The following PTPRN2 variants were observed in gnomAD, a reference collection of about 807,000 sequenced individuals.
PTPRN2 encodes protein tyrosine phosphatase receptor type N2.
A neutral mutation model predicts 118.8 loss-of-function variants in PTPRN2; 74 were observed. The ratio of observed to expected loss-of-function variants is 0.62; its 90% CI spans 0.52 to 0.76. The LOEUF is 0.76. Among genes scored for constraint, PTPRN2 ranks in the 30% least tolerant of loss-of-function variants. The pLI is 0.00. For synonymous variants in PTPRN2, 641 were observed against 608.0 expected (o/e 1.05, Z -0.80); for missense variants, 1,481 against 1,394.4 (o/e 1.06, Z -0.99).
rs1423582207 is a variant in PTPRN2, at chr7:158,404,992, A to G, written c.163+84743T>C. ...TCCAGCTCCTCAGCCTCAGCTCCCC[A>G]GCCTCCAGCTCCTCGGCCTCAGCTC... On this transcript the variant is annotated intron_variant, in intron 2 of 22. Transcript: ENST00000389418. Among the ~76,000 whole-genome samples, 17 of 78,178 alleles carry G rather than the reference A, an allele frequency of 2.2e-4. 1 individual carries two copies. The East Asian group carries it at 4.6e-3, about 21-fold the overall frequency. 51.3% of individuals were successfully genotyped at this position (78,178 alleles called of 152,430 possible).
At chr7:158,379,573 A>C (rs183950994) in intron 2 of PTPRN2, among the ~76,000 whole-genome samples, 273 of 152,208 alleles carry the variant, frequency 1.8e-3, no homozygotes, top group African/African-American at 6.0e-3. Context: ...TCACGGGTGG[A>C]GCAGGGTTCC....
chr7:158,382,714 G>C (rs1246063886), intron 2 of PTPRN2, among the ~76,000 whole-genome samples: 2 of 152,124 alleles, frequency 1.3e-5, no homozygotes, highest in African/African-American at 2.4e-5. Flanking sequence ...CTCTGTACGA[G>C]AATCTAATGC....
At chr7:158,280,043 G>A (rs182759049) in intron 3 of PTPRN2, among the ~76,000 whole-genome samples, 1,464 of 125,282 alleles carry the variant, frequency 0.012, 24 homozygotes, top group African/African-American at 0.041. Context: ...CGGCCCCCAC[G>A]CCCCACCGCT....
At position 157,961,615 on chromosome 7, in the gene PTPRN2, G is replaced by T. The variant is rs74878806; in HGVS notation, c.1724-62878C>A. ...CAGGAAAGTGGTCTAGTGCCCAAGA[G>T]ACCTGTCTCAGCATTAAAGCATCCA... On this transcript the variant is annotated intron_variant, in intron 11 of 22. Transcript: ENST00000389418. Among the ~76,000 whole-genome samples, 1,727 of 152,228 alleles carry T rather than the reference G, an allele frequency of 0.011. 170 individuals carry two copies. In the East Asian group the frequency reaches 0.25, roughly 22 times the overall value.
Position 157,610,739 on chromosome 7 carries a change from T to C in PTPRN2, c.2345-6664A>G, listed in dbSNP as rs1191522475. On this transcript the variant is annotated intron_variant, in intron 15 of 22. Coordinates refer to ENST00000389418, the MANE Select transcript of PTPRN2 (RefSeq NM_002847.5). This position sits in a 1 kb window ranked among gnomAD's most constrained non-coding sequence, Gnocchi z 5.1. ...CTTGATTCTTTGCAGACCTGGGCAC[T>C]TGAAGACCAGCAACAGCGTGATGAC... is the stretch of plus-strand genomic sequence containing the variant. Among the ~76,000 whole-genome samples, 1 of 152,236 alleles carries C rather than the reference T, an allele frequency of 6.6e-6. No individual in the cohort carries two copies. Among genetic ancestry groups the C allele is most frequent in the Non-Finnish European group, 1.5e-5 (1 of 68,042 alleles).
intron 17 of PTPRN2, among the ~76,000 whole-genome samples, chr7:157,589,516 AC>A (rs1260307024): frequency 2.0e-5 from 3 of 152,176 alleles, no homozygotes; most frequent in African/African-American, 7.2e-5. Context: ...CCAGGAGTGG[AC>A]CATGGAGACC....
chr7:158,165,461 G>A (rs966050336), intron 6 of PTPRN2, among the ~76,000 whole-genome samples: 19 of 152,344 alleles, frequency 1.2e-4, no homozygotes, highest in Admixed American at 1.2e-3. Flanking sequence ...AGAAAGCATC[G>A]GTAATGGTCA....
At chr7:158,531,882 C>G (rs1225945149) in intron 1 of PTPRN2, among the ~76,000 whole-genome samples, 1 of 152,204 alleles carries the variant, frequency 6.6e-6, no homozygotes, top group Non-Finnish European at 1.5e-5. Flanking sequence ...CACCTGGAAG[C>G]TGAACGCATC....
At chr7:158,314,892 T>TAAGGACAGAGGTGAACCCAGGACGCCCTC (rs1802172402) in intron 3 of PTPRN2, among the ~76,000 whole-genome samples, 1 of 80,096 alleles carries the variant, frequency 1.2e-5, no homozygotes, top group Non-Finnish European at 2.6e-5. Flanking sequence ...GGGACCCCCT[T>TAAGGACAGAGGTGAACCCAGGACGCCCTC]AAGGACAGAG....
At chr7:158,538,633 G>A (rs112724899) in intron 1 of PTPRN2, among the ~76,000 whole-genome samples, 1,813 of 152,242 alleles carry the variant, frequency 0.012, 39 homozygotes, top group African/African-American at 0.04. Flanking sequence ...ATAGGTGGGC[G>A]CTCACCTGAC....
intron 3 of PTPRN2, among the ~76,000 whole-genome samples, chr7:158,215,268 GGAAA>G (rs1827877016): frequency 6.6e-6 from 1 of 152,126 alleles, no homozygotes; most frequent in Non-Finnish European, 1.5e-5. Flanking sequence ...GAGAGACAGA[GGAAA>G]GAATCAGTGA....
chr7:158,216,473 C>T lies in PTPRN2; in HGVS notation c.278-11200G>A, dbSNP rs116716868. On this transcript the variant is annotated intron_variant, in intron 3 of 22. Coordinates refer to ENST00000389418, the MANE Select transcript of PTPRN2 (RefSeq NM_002847.5). ...TCAACTATACACTATATGAAGCTCA[C>T]TTTGAATAAAATGATATAGGATGGT... 4.2e-3 allele frequency among the ~76,000 whole-genome samples: 632 copies of T among 151,240 alleles called. 5 individuals are homozygous for T. The highest frequency in any genetic ancestry group is 0.015 in the African/African-American group (606 of 41,188).
intron 19 of PTPRN2, among the ~76,000 whole-genome samples, chr7:157,576,236 G>GC (rs1383090127): frequency 6.6e-6 from 1 of 152,144 alleles, no homozygotes; most frequent in African/African-American, 2.4e-5. Flanking sequence ...GCCTGCGCTC[G>GC]CTACCTCTTT....
At chr7:158,149,875 A>G (rs1820774979) in intron 6 of PTPRN2, among the ~76,000 whole-genome samples, 1 of 152,044 alleles carries the variant, frequency 6.6e-6, no homozygotes, top group Non-Finnish European at 1.5e-5. Context: ...AATTTTTGGG[A>G]TCTAAGTTAT....
chr7:158,497,442 C>T (rs1040340796), intron 1 of PTPRN2, among the ~76,000 whole-genome samples: 2 of 151,816 alleles, frequency 1.3e-5, no homozygotes, highest in African/African-American at 2.4e-5. Context: ...TTTGGGGACC[C>T]GTCCCTTCCT....
chr7:158,434,749 G>A (rs188429555), intron 2 of PTPRN2, among the ~76,000 whole-genome samples: 29 of 152,048 alleles, frequency 1.9e-4, no homozygotes, highest in African/African-American at 6.5e-4. Flanking sequence ...TCTTCTGGAT[G>A]GAGTATTTTT....
At chr7:158,225,262 C>A (rs1828665289) in intron 3 of PTPRN2, among the ~76,000 whole-genome samples, 1 of 152,086 alleles carries the variant, frequency 6.6e-6, no homozygotes, top group African/African-American at 2.4e-5. Context: ...TATGTTCAAA[C>A]AAAATCTTGT....
intron 2 of PTPRN2, among the ~76,000 whole-genome samples, chr7:158,324,036 C>T (rs987859623): frequency 4.1e-4 from 8 of 19,422 alleles, no homozygotes; most frequent in Admixed American, 1.6e-3. Context: ...CACAGGAGCA[C>T]GTACACACAC....
At chr7:157,698,575 A>G (rs1488345073) in intron 12 of PTPRN2, among the ~76,000 whole-genome samples, 1 of 152,274 alleles carries the variant, frequency 6.6e-6, no homozygotes, top group African/African-American at 2.4e-5. Flanking sequence ...TTCAAAGAAT[A>G]GAAAAAGCCT....
Sources: gnomAD v4.1 joint callset for allele counts (sites outside exome capture counted in the v4.1 genomes callset) on GRCh38, gnomAD v4.1.1 for gene constraint, Gnocchi (gnomAD v3.1) non-coding constraint, MANE v1.5 for transcripts, NCBI Gene and HGNC (gene_info 2026-07-23, HGNC 2026-07-21) for gene names.